The following CABCOCO1 variants were observed in gnomAD, a reference collection of about 807,000 sequenced individuals.
CABCOCO1 encodes the protein ciliary associated calcium binding coiled-coil 1.
In CABCOCO1, 28 loss-of-function variants were observed where a neutral mutation model predicts 35.7. The observed-to-expected ratio is 0.78, with a 90% CI of 0.58 to 1.07. The LOEUF is 1.07. CABCOCO1 is among the 50% of genes least tolerant of loss of function. The pLI, the probability that CABCOCO1 is intolerant of heterozygous loss-of-function variation, is 0.00. For missense variants in CABCOCO1, 326 were observed against 309.2 expected, an observed-to-expected ratio of 1.05 and a Z score of -0.41; for synonymous variants, 95 against 100.1, an observed-to-expected ratio of 0.95 and a Z score of 0.30.
chr10:61,757,394 C>A (rs1332790899), intron 5 of CABCOCO1, among the ~76,000 whole-genome samples: 1 of 152,014 alleles, frequency 6.6e-6, no homozygotes, highest in Non-Finnish European at 1.5e-5. Flanking sequence ...CTTTCCCTTG[C>A]AGTATCTCAC....
Position 61,690,639 on chromosome 10 carries a change from A to T in CABCOCO1, c.552+18A>T. 6.5e-7 allele frequency: 1 copy of T among 1,529,304 alleles called. No individual in the cohort carries two copies. Among genetic ancestry groups the T allele is most frequent in the Non-Finnish European group, 9.0e-7 (1 of 1,106,524 alleles). The allele number at this position is 1,529,304 out of a possible 1,614,324, so 94.7% of individuals were successfully genotyped here. On this transcript the variant is annotated intron_variant, in intron 5 of 7. Coordinates refer to ENST00000648843, the MANE Select transcript of CABCOCO1 (RefSeq NM_001366906.2). ...GAACTGAGGTAAGTAATTTATCTAG[A>T]TGGAACAAGTTAAGCAGAATCACTT...
rs1003463996 is a variant in CABCOCO1 at position 61,766,442 on chromosome 10, T to C, written c.*429T>C. 6.6e-6 allele frequency: 1 copy of C among 152,552 alleles called. No homozygotes were observed. Among genetic ancestry groups the C allele is most frequent in the Non-Finnish European group, 1.5e-5 (1 of 68,822 alleles). The allele number at this position is 152,552 out of a possible 1,614,324, so 9.4% of individuals were successfully genotyped here. On this transcript the variant is annotated 3_prime_UTR_variant, in exon 8 of 8. Coordinates refer to ENST00000648843, the MANE Select transcript of CABCOCO1 (RefSeq NM_001366906.2). ...ACGTTACTGGAACACTGTGAAAACA[T>C]ACCAGTACCACACTATTGAGGATAA... is the stretch of plus-strand genomic sequence containing the variant.
In CABCOCO1 at chr10:61,712,441, C is replaced by G. The variant is rs551871145; in HGVS notation, c.552+21820C>G. On this transcript the variant is annotated intron_variant, in intron 5 of 7. Coordinates refer to ENST00000648843, the MANE Select transcript of CABCOCO1 (RefSeq NM_001366906.2). ...ATGGGTAGATTACAAAAATTTTCTT[C>G]CATTCTGTAGGTTGCCTGTTCACTC... Among the ~76,000 whole-genome samples, 19 of 152,156 alleles carry G rather than the reference C, an allele frequency of 1.2e-4. No homozygotes were observed. In the South Asian group the frequency reaches 3.7e-3, roughly 30 times the overall value.
intron 3 of CABCOCO1, among the ~76,000 whole-genome samples, chr10:61,683,605 A>C (rs897164857): frequency 2.6e-5 from 4 of 152,254 alleles, no homozygotes; most frequent in African/African-American, 9.6e-5. Flanking sequence ...CTAACTACTA[A>C]TAATAAAGGT....
chr10:61,709,482 A>G (rs1840673910), intron 5 of CABCOCO1, among the ~76,000 whole-genome samples: 1 of 152,016 alleles, frequency 6.6e-6, no homozygotes, highest in Non-Finnish European at 1.5e-5. Context: ...GCTTTATGCC[A>G]TAGCCATAAA....
chr10:61,705,904 G>C (rs1188166297), intron 5 of CABCOCO1, among the ~76,000 whole-genome samples: 1 of 152,164 alleles, frequency 6.6e-6, no homozygotes, highest in Non-Finnish European at 1.5e-5. Context: ...ACTGTCCGAA[G>C]CTTCCTCTGC....
At chr10:61,682,217 A>G (rs1215161954) in intron 3 of CABCOCO1, among the ~76,000 whole-genome samples, 1 of 152,186 alleles carries the variant, frequency 6.6e-6, no homozygotes, top group Non-Finnish European at 1.5e-5. Flanking sequence ...TATTGTTGAT[A>G]TTATTGCAAA....
At chr10:61,705,424 C>T (rs1237506138) in intron 5 of CABCOCO1, among the ~76,000 whole-genome samples, 1 of 152,178 alleles carries the variant, frequency 6.6e-6, no homozygotes, top group Admixed American at 6.5e-5. Flanking sequence ...ATTCCCAGTA[C>T]TCTGGAGACT....
intron 5 of CABCOCO1, among the ~76,000 whole-genome samples, chr10:61,731,971 T>G (rs1309906104): frequency 2.0e-5 from 3 of 152,060 alleles, no homozygotes; most frequent in Non-Finnish European, 4.4e-5. Flanking sequence ...CAATGAAGAA[T>G]CTCATAATTA....
intron 5 of CABCOCO1, among the ~76,000 whole-genome samples, chr10:61,747,777 T>C (rs1841695277): frequency 6.6e-6 from 1 of 152,166 alleles, no homozygotes; most frequent in Non-Finnish European, 1.5e-5. Flanking sequence ...ATTAGTTGCC[T>C]AATGTACAGA....
intron 5 of CABCOCO1, among the ~76,000 whole-genome samples, chr10:61,753,257 T>A (rs1841829896): frequency 6.6e-6 from 1 of 152,132 alleles, no homozygotes; most frequent in African/African-American, 2.4e-5. Flanking sequence ...AAATCTATGA[T>A]TAGAATTGTT....
At chr10:61,760,295 C>A (rs1442988564) in intron 6 of CABCOCO1, 114 bp downstream of exon 6, 12 of 1,330,248 alleles carry the variant, frequency 9.0e-6, no homozygotes, top group Admixed American at 2.3e-5. Flanking sequence ...TTTTCCCAAC[C>A]AAATACAAAT....
At chr10:61,720,553 G>A (rs1840979794) in intron 5 of CABCOCO1, among the ~76,000 whole-genome samples, 1 of 152,184 alleles carries the variant, frequency 6.6e-6, no homozygotes, top group African/African-American at 2.4e-5. Context: ...AAAAACGACA[G>A]GAATGGGAAA....
intron 5 of CABCOCO1, among the ~76,000 whole-genome samples, chr10:61,754,816 T>C (rs558331347): frequency 1.3e-5 from 2 of 152,218 alleles, no homozygotes; most frequent in African/African-American, 4.8e-5. Context: ...CATGTGTGGA[T>C]CTAATGGTCT....
At chr10:61,713,318 C>T (rs1023699721) in intron 5 of CABCOCO1, among the ~76,000 whole-genome samples, 1 of 151,548 alleles carries the variant, frequency 6.6e-6, no homozygotes. Flanking sequence ...GTCTGTTATT[C>T]GTGTATAAGA....
chr10:61,711,750 A>G (rs1218155815), intron 5 of CABCOCO1, among the ~76,000 whole-genome samples: 2 of 152,058 alleles, frequency 1.3e-5, no homozygotes, highest in African/African-American at 4.8e-5. Context: ...AAAGATTCAA[A>G]TCATACAAAG....
intron 5 of CABCOCO1, among the ~76,000 whole-genome samples, chr10:61,708,499 T>C (rs991999049): frequency 6.6e-6 from 1 of 152,064 alleles, no homozygotes; most frequent in Non-Finnish European, 1.5e-5. Flanking sequence ...TAGAGACTGG[T>C]AAATCCAAGA....
intron 5 of CABCOCO1, among the ~76,000 whole-genome samples, chr10:61,719,187 C>T (rs1840938868): frequency 6.6e-6 from 1 of 152,138 alleles, no homozygotes; most frequent in Non-Finnish European, 1.5e-5. Flanking sequence ...TTGATCATTG[C>T]TTTCTTGAGT....
chr10:61,669,674 G>A (rs999188753), intron 1 of CABCOCO1, among the ~76,000 whole-genome samples: 4 of 152,048 alleles, frequency 2.6e-5, no homozygotes, highest in Non-Finnish European at 4.4e-5. Context: ...TATTAAGCCT[G>A]CAAATTTTAG....
Sources: allele counts gnomAD v4.1 joint callset (sites outside exome capture counted in the v4.1 genomes callset), GRCh38; gene constraint gnomAD v4.1.1; transcripts MANE v1.5; gene names NCBI Gene and HGNC (gene_info 2026-07-23, HGNC 2026-07-21).